The following MAP3K20 variants were observed in gnomAD, a reference collection of about 807,000 sequenced individuals.
The protein encoded by MAP3K20 is mitogen-activated protein kinase kinase kinase 20, also known as HCCS-4.
MAP3K20 carries 40 observed loss-of-function variants against 85.7 expected under a neutral mutation model. The ratio of observed to expected loss-of-function variants is 0.47; its 90% CI spans 0.36 to 0.61. MAP3K20 has a LOEUF of 0.61. Among genes scored for constraint, MAP3K20 ranks in the 20% least tolerant of loss-of-function variants. The pLI, the probability that MAP3K20 is intolerant of heterozygous loss-of-function variation, is 0.00. For missense variants in MAP3K20, 817 were observed against 961.7 expected (o/e 0.85, Z 1.99); for synonymous variants, 325 against 327.7 (o/e 0.99, Z 0.09).
intron 2 of MAP3K20, among the ~76,000 whole-genome samples, chr2:173,121,762 A>ATG (rs1353763949): frequency 2.0e-5 from 3 of 149,652 alleles, no homozygotes; most frequent in African/African-American, 7.3e-5. Context: ...ACCCGCCACC[A>ATG]TCACCTCCTG....
At chr2:173,187,753 C>T (rs1690532538) in intron 5 of MAP3K20, 130 bp downstream of exon 5, 9 of 659,914 alleles carry the variant, frequency 1.4e-5, no homozygotes, top group Non-Finnish European at 2.2e-5. Flanking sequence ...ACCATGGAAG[C>T]CTTTCTACTG....
At chr2:173,217,779 T>A (rs375463677) in intron 11 of MAP3K20, among the ~76,000 whole-genome samples, 1 of 152,178 alleles carries the variant, frequency 6.6e-6, no homozygotes, top group East Asian at 1.9e-4. Context: ...CAGCAAAATA[T>A]TGGAAAAAGA....
intron 2 of MAP3K20, among the ~76,000 whole-genome samples, chr2:173,154,742 A>G (rs1197975704): frequency 1.3e-5 from 2 of 152,214 alleles, no homozygotes; most frequent in African/African-American, 4.8e-5. Context: ...TGTAGATACT[A>G]AGGACAATAT....
chr2:173,102,005 T>C lies in MAP3K20; in HGVS notation c.159+10815T>C, dbSNP rs138169138. On this transcript the variant is annotated intron_variant, in intron 2 of 19. Coordinates refer to ENST00000375213, the MANE Select transcript of MAP3K20 (RefSeq NM_016653.3). ...TCCTTTATAATGTAACTTCCAGCCATTGTTCCTGGTCCCTGCCTCCGGGGC... is the reference window on the plus strand; with the variant it reads ...TCCTTTATAATGTAACTTCCAGCCACTGTTCCTGGTCCCTGCCTCCGGGGC... Among the ~76,000 whole-genome samples, 385 of 152,334 alleles carry C rather than the reference T, an allele frequency of 2.5e-3. 2 individuals carry two copies. The highest frequency in any genetic ancestry group is 8.9e-3 in the African/African-American group (370 of 41,580).
chr2:173,261,725 G>A (rs1685298721), intron 18 of MAP3K20, among the ~76,000 whole-genome samples: 1 of 152,152 alleles, frequency 6.6e-6, no homozygotes, highest in Non-Finnish European at 1.5e-5. Flanking sequence ...AATCAATACT[G>A]AAAAATATCG....
At chr2:173,236,396 T>G (rs920691853) in intron 14 of MAP3K20, among the ~76,000 whole-genome samples, 2 of 151,646 alleles carry the variant, frequency 1.3e-5, no homozygotes, top group Admixed American at 1.3e-4. Context: ...AAAAAAATTA[T>G]TTGACCCACT....
intron 7 of MAP3K20, among the ~76,000 whole-genome samples, chr2:173,193,277 A>G (rs1265300843): frequency 6.6e-6 from 1 of 152,234 alleles, no homozygotes; most frequent in East Asian, 1.9e-4. Flanking sequence ...TATATGAACT[A>G]GAAGACTTTT....
chr2:173,222,530 T>C, intron 11 of MAP3K20: 3 of 985,756 alleles, frequency 3.0e-6, no homozygotes, highest in Non-Finnish European at 3.6e-6. Flanking sequence ...AGGGGATGCT[T>C]CCAGGGGGGT....
chr2:173,142,467 G>A (rs891930370), intron 2 of MAP3K20, among the ~76,000 whole-genome samples: 15 of 148,564 alleles, frequency 1.0e-4, no homozygotes, highest in African/African-American at 3.0e-4. Flanking sequence ...GCGAGACTCC[G>A]TCTCAAAAAA....
intron 5 of MAP3K20, among the ~76,000 whole-genome samples, chr2:173,189,301 A>G (rs1324789791): frequency 6.6e-6 from 1 of 152,162 alleles, no homozygotes; most frequent in Admixed American, 6.5e-5. Context: ...CCCTGAGGCT[A>G]TTTTCAAATA....
chr2:173,158,469 C>T (rs749110585), intron 2 of MAP3K20, among the ~76,000 whole-genome samples: 6 of 152,104 alleles, frequency 3.9e-5, no homozygotes, highest in Non-Finnish European at 1.5e-5. Context: ...CACTTAAATA[C>T]AATACAATAT....
chr2:173,167,032 C>A (rs1320703135), intron 2 of MAP3K20, among the ~76,000 whole-genome samples: 1 of 150,702 alleles, frequency 6.6e-6, no homozygotes, highest in Admixed American at 6.7e-5. Flanking sequence ...CCTGCCTCAA[C>A]CTCCCGAGTA....
At chr2:173,116,738 A>G (rs1372640066) in intron 2 of MAP3K20, among the ~76,000 whole-genome samples, 1 of 152,178 alleles carries the variant, frequency 6.6e-6, no homozygotes, top group African/African-American at 2.4e-5. Context: ...TCTTTCTACC[A>G]TGACCTCCTT....
At chr2:173,176,346 G>A (rs1338613489) in intron 3 of MAP3K20, among the ~76,000 whole-genome samples, 9 of 151,868 alleles carry the variant, frequency 5.9e-5, no homozygotes, top group Non-Finnish European at 7.4e-5. Context: ...AAAGCAATAC[G>A]TTTTTGTTCA....
chr2:173,134,428 A>ATATTTTTT (rs56330241), intron 2 of MAP3K20, among the ~76,000 whole-genome samples: 4 of 3,154 alleles, frequency 1.3e-3, no homozygotes, highest in African/African-American at 4.1e-3. Flanking sequence ...ATATATATAT[A>ATATTTTTT]TTTTTTTTTT....
At chr2:173,205,874 T>C (rs1683670278) in intron 9 of MAP3K20, among the ~76,000 whole-genome samples, 1 of 152,212 alleles carries the variant, frequency 6.6e-6, no homozygotes, top group East Asian at 1.9e-4. Flanking sequence ...CATGATTTTG[T>C]AGAATGGGGA....
At chr2:173,099,123 C>T (rs1574011225) in intron 2 of MAP3K20, among the ~76,000 whole-genome samples, 2 of 152,286 alleles carry the variant, frequency 1.3e-5, no homozygotes, top group African/African-American at 4.8e-5. Context: ...AGGCTCTTAA[C>T]TTCACCCATT....
intron 8 of MAP3K20, among the ~76,000 whole-genome samples, chr2:173,201,032 G>A (rs539632835): frequency 6.6e-6 from 1 of 152,260 alleles, no homozygotes; most frequent in East Asian, 1.9e-4. Context: ...ATACTGTCAA[G>A]ACCAGGCAAT....
chr2:173,218,774 A>T (rs1178649803), intron 11 of MAP3K20, among the ~76,000 whole-genome samples: 1 of 152,220 alleles, frequency 6.6e-6, no homozygotes, highest in East Asian at 1.9e-4. Context: ...TCTTTAGTTT[A>T]TTGGCATCAG....
Sources: allele counts gnomAD v4.1 joint callset (sites outside exome capture counted in the v4.1 genomes callset), GRCh38; gene constraint gnomAD v4.1.1; transcripts MANE v1.5; gene names NCBI Gene and HGNC (gene_info 2026-07-23, HGNC 2026-07-21).